KCNT2: variants seen among roughly 807,000 people sequenced by gnomAD.
KCNT2 encodes the protein potassium channel subfamily T member 2.
A neutral mutation model predicts 153.8 loss-of-function variants in KCNT2; 67 were observed. The ratio of observed to expected loss-of-function variants is 0.44; its 90% CI spans 0.36 to 0.53. The LOEUF is 0.53. Among genes scored for constraint, KCNT2 ranks in the 20% least tolerant of loss-of-function variants. The pLI, the probability that KCNT2 is intolerant of heterozygous loss-of-function variation, is 0.00. For synonymous variants in KCNT2, 500 were observed against 458.8 expected (o/e 1.09, Z -1.15); for missense variants, 975 against 1,354.8 (o/e 0.72, Z 4.40).
chr1:196,448,880 A>G (rs1369725255), intron 8 of KCNT2, among the ~76,000 whole-genome samples: 1 of 151,718 alleles, frequency 6.6e-6, no homozygotes, highest in Non-Finnish European at 1.5e-5. Context: ...AATAAAACCT[A>G]AGAAGAACAA....
intron 1 of KCNT2, among the ~76,000 whole-genome samples, chr1:196,552,990 C>T (rs1658141548): frequency 6.6e-6 from 1 of 150,518 alleles, no homozygotes; most frequent in Admixed American, 6.6e-5. Context: ...AAAAGAAAGA[C>T]AGGAAAAGAG....
intron 8 of KCNT2, among the ~76,000 whole-genome samples, chr1:196,457,652 C>T (rs528076099): frequency 3.3e-5 from 5 of 151,834 alleles, no homozygotes; most frequent in Non-Finnish European, 7.4e-5. Flanking sequence ...CTAGATAGCA[C>T]GCACTTGGTA....
intron 7 of KCNT2, 39 bp downstream of exon 7, chr1:196,467,663 TA>T: frequency 7.7e-7 from 1 of 1,306,102 alleles, no homozygotes; most frequent in Non-Finnish European, 1.1e-6. Context: ...AGAAATGGTT[TA>T]AAAATATTTT....
chr1:196,307,354 A>G (rs1176106592), intron 21 of KCNT2, among the ~76,000 whole-genome samples: 2 of 152,100 alleles, frequency 1.3e-5, no homozygotes, highest in African/African-American at 4.8e-5. Flanking sequence ...CACTACCAAT[A>G]TTTAAAGTGG....
At chr1:196,312,598 T>C (rs919931542) in intron 21 of KCNT2, among the ~76,000 whole-genome samples, 3 of 151,720 alleles carry the variant, frequency 2.0e-5, no homozygotes, top group African/African-American at 7.3e-5. Flanking sequence ...CAGCAGGCAT[T>C]CTATTTCATC....
chr1:196,342,181 C>A lies in KCNT2; in HGVS notation c.1451G>T (p.Cys484Phe), dbSNP rs765937619. 5.0e-6 allele frequency: 8 copies of A among 1,611,644 alleles called. No individual in the cohort carries two copies. The highest frequency in any genetic ancestry group is 1.3e-5 in the African/African-American group (1 of 74,712). The change falls in exon 15 of 28, where the codon TGC (cysteine) becomes TTC (phenylalanine). Residue 484 changes from cysteine to phenylalanine, a missense_variant. Cys to Phe is a radical substitution (Grantham distance 205). Transcript: ENST00000294725. ...PEQWQKMYGR[C>F]SGNEVYHIVL... ...AATGTGGTAGACTTCATTCCCGGAG[C>A]ATCTACCGTACATCTTCTGCCATTG...
At chr1:196,464,524 C>A (rs1572544637) in intron 8 of KCNT2, among the ~76,000 whole-genome samples, 1 of 151,790 alleles carries the variant, frequency 6.6e-6, no homozygotes, top group Non-Finnish European at 1.5e-5. Context: ...GTGCATTTTT[C>A]CTTTTTTAGT....
At chr1:196,298,351 C>T (rs886864705) in intron 22 of KCNT2, among the ~76,000 whole-genome samples, 1 of 152,156 alleles carries the variant, frequency 6.6e-6, no homozygotes, top group Non-Finnish European at 1.5e-5. Flanking sequence ...AAATTTGGGG[C>T]TTCCCATAAA....
At chr1:196,566,127 A>T (rs1660082186) in intron 1 of KCNT2, among the ~76,000 whole-genome samples, 1 of 151,996 alleles carries the variant, frequency 6.6e-6, no homozygotes, top group Non-Finnish European at 1.5e-5. Context: ...ATAAGCAGAC[A>T]GTGAAGGAAA....
intron 27 of KCNT2, among the ~76,000 whole-genome samples, chr1:196,228,714 G>T (rs1004125858): frequency 1.5e-4 from 23 of 151,668 alleles, no homozygotes; most frequent in African/African-American, 5.1e-4. Flanking sequence ...CCTTACTTTG[G>T]CCATTTTTCT....
chr1:196,290,148 T>C (rs1176221644), intron 22 of KCNT2, among the ~76,000 whole-genome samples: 1 of 152,124 alleles, frequency 6.6e-6, no homozygotes, highest in African/African-American at 2.4e-5. Flanking sequence ...CCCTATTTTC[T>C]CAACTATAAT....
At chr1:196,581,556 G>A (rs912023735) in intron 1 of KCNT2, among the ~76,000 whole-genome samples, 7 of 151,756 alleles carry the variant, frequency 4.6e-5, no homozygotes, top group Admixed American at 4.6e-4. Flanking sequence ...ATATAATGAA[G>A]TTAACACAAT....
At chr1:196,363,096 T>C (rs1441878690) in intron 14 of KCNT2, among the ~76,000 whole-genome samples, 2 of 152,096 alleles carry the variant, frequency 1.3e-5, no homozygotes, top group African/African-American at 4.8e-5. Flanking sequence ...TATTTTTCTC[T>C]TTCCTTCTAT....
At chr1:196,262,738 TATATTGATGCATTTCCAAATTA>T (rs1657145466) in intron 25 of KCNT2, among the ~76,000 whole-genome samples, 1 of 152,130 alleles carries the variant, frequency 6.6e-6, no homozygotes, top group Admixed American at 6.5e-5. Flanking sequence ...AGTTACACTG[TATATTGATGCATTTCCAAATTA>T]ATTTTGGAAT....
chr1:196,292,289 C>G (rs1196474858), intron 22 of KCNT2, among the ~76,000 whole-genome samples: 1 of 152,126 alleles, frequency 6.6e-6, no homozygotes, highest in Non-Finnish European at 1.5e-5. Context: ...ATGGAAAACT[C>G]TCAACAAATA....
intron 1 of KCNT2, among the ~76,000 whole-genome samples, chr1:196,522,439 A>G (rs1210280653): frequency 6.6e-6 from 1 of 152,252 alleles, no homozygotes; most frequent in African/African-American, 2.4e-5. Flanking sequence ...TCTGTGGAAA[A>G]TAAGTCATTA....
intron 14 of KCNT2, among the ~76,000 whole-genome samples, chr1:196,355,065 C>A (rs1315052357): frequency 1.3e-5 from 2 of 151,570 alleles, no homozygotes; most frequent in African/African-American, 4.8e-5. Flanking sequence ...TACACAGAAG[C>A]TTCCAAAACA....
chr1:196,326,854 G>C lies in KCNT2; in HGVS notation c.2139C>G (p.Ala713=). ...CQHNYYEDAK[A]YGFKNKLIIV... is the part of the protein sequence containing the mutation. ...TAATTAGTTTATTTTTGAATCCATA[G>C]GCTTTTGCATCCTCATAGTAGTTAT... The change falls in exon 19 of 28, where the codon GCC becomes GCG. Residue 713 remains alanine (A), a synonymous_variant. Coordinates refer to ENST00000294725, the MANE Select transcript of KCNT2 (RefSeq NM_198503.5). 1 of 1,586,216 alleles carries C rather than the reference G, an allele frequency of 6.3e-7. No individual in the cohort carries two copies. The highest frequency in any genetic ancestry group is 8.5e-7 in the Non-Finnish European group (1 of 1,171,170).
intron 1 of KCNT2, among the ~76,000 whole-genome samples, chr1:196,520,227 G>A (rs899320906): frequency 3.3e-5 from 5 of 152,034 alleles, no homozygotes; most frequent in African/African-American, 9.7e-5. Context: ...CTCAATAGAT[G>A]CAGAAAAGGC....
Sources: allele counts gnomAD v4.1 joint callset (sites outside exome capture counted in the v4.1 genomes callset), GRCh38; gene constraint gnomAD v4.1.1; transcripts MANE v1.5; gene names NCBI Gene and HGNC (gene_info 2026-07-23, HGNC 2026-07-21).